Variants in TXK observed in about 807,000 individuals in gnomAD.
TXK encodes the protein TXK tyrosine kinase, also known as tyrosine-protein kinase TXK.
TXK carries 60 observed loss-of-function variants against 81.0 expected under a neutral mutation model. The ratio of observed to expected loss-of-function variants is 0.74; its 90% CI spans 0.60 to 0.92. The LOEUF (loss-of-function observed/expected upper bound fraction) is 0.92, where lower values mean the gene tolerates loss of function less well. Ranked by LOEUF, TXK falls within the 40% of genes least tolerant of loss-of-function variation. TXK has a pLI of 0.00. For missense variants in TXK, 581 were observed against 638.3 expected, an observed-to-expected ratio of 0.91 and a Z score of 0.97; for synonymous variants, 203 against 210.7, an observed-to-expected ratio of 0.96 and a Z score of 0.32.
intron 1 of TXK, among the ~76,000 whole-genome samples, chr4:48,127,699 A>C (rs1320947940): frequency 6.6e-6 from 1 of 152,218 alleles, no homozygotes; most frequent in East Asian, 1.9e-4. Flanking sequence ...CTCAGTAAAT[A>C]TCTCTAATGA....
chr4:48,086,657 A>T lies in TXK; in HGVS notation c.785-20T>A, dbSNP rs1370530439. The T allele has an allele frequency of 6.2e-7, 1 of 1,608,486 alleles. No individual in the cohort carries two copies. The highest frequency in any genetic ancestry group is 8.5e-7 in the Non-Finnish European group (1 of 1,175,626). On this transcript the variant is annotated intron_variant, in intron 9 of 14. Transcript: ENST00000264316. ...ACTTTTCTGAAAAAGTAAAACATCCATGTTACAAGTAGAAAGAAAGACTGT... is the reference window on the plus strand; with the variant it reads ...ACTTTTCTGAAAAAGTAAAACATCCTTGTTACAAGTAGAAAGAAAGACTGT...
chr4:48,077,615 C>G (rs1200886146), intron 11 of TXK, among the ~76,000 whole-genome samples: 1 of 152,066 alleles, frequency 6.6e-6, no homozygotes, highest in Non-Finnish European at 1.5e-5. Context: ...AAAGACAAAC[C>G]TGCAGAGACT....
chr4:48,086,080 C>T (rs1304927666), intron 10 of TXK, among the ~76,000 whole-genome samples: 1 of 152,174 alleles, frequency 6.6e-6, no homozygotes, highest in Non-Finnish European at 1.5e-5. Flanking sequence ...AAGCACTCAC[C>T]CTGGCTCACC....
intron 10 of TXK, among the ~76,000 whole-genome samples, chr4:48,085,818 T>G (rs1271301819): frequency 6.6e-6 from 1 of 152,132 alleles, no homozygotes; most frequent in Non-Finnish European, 1.5e-5. Context: ...CCATCCCATT[T>G]CCAGCTCCCC....
In TXK at chr4:48,079,907, C is replaced by A; in HGVS notation, c.1173+5G>T. ...AAAAAAAAAGTAAATTTGCACCATA[C>A]TTACCAAATCCCTATGAATATAGCC... On this transcript the variant is annotated splice_donor_5th_base_variant and intron_variant, in intron 11 of 14. Transcript: ENST00000264316. 6.2e-7 allele frequency: 1 copy of A among 1,607,342 alleles called. No individual in the cohort carries two copies. Among genetic ancestry groups the A allele is most frequent in the South Asian group, 1.1e-5 (1 of 90,834 alleles).
chr4:48,121,422 C>T (rs985172221), intron 1 of TXK, among the ~76,000 whole-genome samples: 6 of 152,130 alleles, frequency 3.9e-5, no homozygotes, highest in Admixed American at 1.3e-4. Flanking sequence ...ACACACAGGC[C>T]AATTTATCAA....
chr4:48,114,739 G>A (rs1718746880), intron 1 of TXK, among the ~76,000 whole-genome samples: 2 of 152,132 alleles, frequency 1.3e-5, no homozygotes, highest in African/African-American at 4.8e-5. Context: ...CAGAAGTGAT[G>A]CTCTCCTAGG....
chr4:48,104,273 A>AT (rs369331318), intron 6 of TXK, among the ~76,000 whole-genome samples: 1 of 3,482 alleles, frequency 2.9e-4, no homozygotes, highest in Non-Finnish European at 3.9e-4. Flanking sequence ...TATATAATAT[A>AT]ATATATAATA....
chr4:48,095,210 C>A lies in TXK; in HGVS notation c.514G>T (p.Ala172Ser), dbSNP rs139867783. ...HLLRQESKEGAFIVRDSRHLG... is the reference protein window; with the variant it reads ...HLLRQESKEGSFIVRDSRHLG... ...TGTCTTGAATCTCTGACAATAAATG[C>A]ACCTTCTTTAGACTGCAAAAAAAAT... Residue 172 changes from alanine to serine, a missense_variant, in exon 7 of 15, where the codon GCA becomes TCA. Transcript: ENST00000264316. 2.0e-4 allele frequency: 315 copies of A among 1,613,046 alleles called. No individual in the cohort carries two copies. The highest frequency in any genetic ancestry group is 2.5e-4 in the Non-Finnish European group (299 of 1,179,434).
At chr4:48,078,102 G>A (rs62301690) in intron 11 of TXK, among the ~76,000 whole-genome samples, 1,524 of 152,256 alleles carry the variant, frequency 0.01, 34 homozygotes, top group East Asian at 0.07. Flanking sequence ...ATTGTAATGC[G>A]CACCAAAGTC....
chr4:48,070,605 G>T (rs1034555518), intron 14 of TXK, among the ~76,000 whole-genome samples: 1 of 151,988 alleles, frequency 6.6e-6, no homozygotes, highest in African/African-American at 2.4e-5. Context: ...TTGAGACAGA[G>T]TCTTGTTCTG....
At chr4:48,109,475 T>A (rs1416554249) in intron 5 of TXK, 1 of 152,178 alleles carries the variant, frequency 6.6e-6, no homozygotes, top group East Asian at 1.9e-4. Flanking sequence ...TACTGGAGAT[T>A]AGAATCTCGG....
chr4:48,123,525 T>G (rs1305160023), intron 1 of TXK, among the ~76,000 whole-genome samples: 1 of 152,186 alleles, frequency 6.6e-6, no homozygotes, highest in East Asian at 1.9e-4. Flanking sequence ...GGCTTGGCTT[T>G]TTCCTTCTTC....
chr4:48,098,095 C>T (rs976581968), intron 6 of TXK, among the ~76,000 whole-genome samples: 1 of 151,904 alleles, frequency 6.6e-6, no homozygotes, highest in African/African-American at 2.4e-5. Flanking sequence ...TACAATGTAC[C>T]GAACCTTAAA....
Position 48,112,054 on chromosome 4 carries a change from C to T in TXK, c.380+253G>A, listed in dbSNP as rs532401685. 3.9e-5 allele frequency among the ~76,000 whole-genome samples: 6 copies of T among 152,216 alleles called. No individual in the cohort carries two copies. The South Asian group carries it at 1.2e-3, about 32-fold the overall frequency. ...TATTTCCATTGTACAAATAAAGAAA[C>T]AAAAACTCAGAGACGGTAAGTGACT... On this transcript the variant is annotated intron_variant, in intron 4 of 14. Transcript: ENST00000264316.
chr4:48,133,248 C>A (rs540840714), intron 1 of TXK, among the ~76,000 whole-genome samples: 9 of 150,712 alleles, frequency 6.0e-5, no homozygotes, highest in Non-Finnish European at 1.2e-4. Flanking sequence ...ATTCTAATTT[C>A]TTTGGATTTA....
chr4:48,129,254 TAAG>T (rs1179409546), intron 1 of TXK, among the ~76,000 whole-genome samples: 4 of 152,374 alleles, frequency 2.6e-5, no homozygotes, highest in Admixed American at 6.5e-5. Context: ...TCCATTATTC[TAAG>T]AAGTGATGGT....
intron 13 of TXK, among the ~76,000 whole-genome samples, chr4:48,071,956 CTTT>C (rs33963487): frequency 4.4e-5 from 6 of 137,680 alleles, no homozygotes; most frequent in Admixed American, 7.1e-5. Context: ...ATTTTCTTTT[CTTT>C]TTTTTTTTTT....
At chr4:48,084,989 C>G (rs141923756) in intron 10 of TXK, among the ~76,000 whole-genome samples, 1 of 152,092 alleles carries the variant, frequency 6.6e-6, no homozygotes, top group African/African-American at 2.4e-5. Flanking sequence ...CGGGTCAGAA[C>G]TAAATTTCTC....
Sources: allele counts gnomAD v4.1 joint callset (sites outside exome capture counted in the v4.1 genomes callset), GRCh38; gene constraint gnomAD v4.1.1; transcripts MANE v1.5; gene names NCBI Gene and HGNC (gene_info 2026-07-23, HGNC 2026-07-21).